Variants in UBE2R2 observed in about 807,000 individuals in gnomAD.
UBE2R2 encodes ubiquitin-conjugating enzyme E2 R2.
Under a neutral mutation model 27.8 loss-of-function variants are expected in UBE2R2, and 1 was observed. The ratio of observed to expected loss-of-function variants is 0.04; its 90% CI spans 0.01 to 0.17. The LOEUF (loss-of-function observed/expected upper bound fraction) is 0.17, where lower values mean the gene tolerates loss of function less well. UBE2R2 is among the 10% of genes least tolerant of loss of function. UBE2R2 has a pLI of 1.00. For missense variants in UBE2R2, 100 were observed against 291.0 expected (o/e 0.34, Z 4.78); for synonymous variants, 106 against 113.3 (o/e 0.94, Z 0.41).
At chr9:33,845,860 T>TA (rs1380915251) in intron 1 of UBE2R2, among the ~76,000 whole-genome samples, 1 of 150,350 alleles carries the variant, frequency 6.7e-6, no homozygotes, top group African/African-American at 2.4e-5. Flanking sequence ...ATACAAAAAT[T>TA]GGCTGGGCGC....
intron 2 of UBE2R2, among the ~76,000 whole-genome samples, chr9:33,887,883 G>T (rs1821897765): frequency 6.6e-6 from 1 of 152,138 alleles, no homozygotes; most frequent in Non-Finnish European, 1.5e-5. Context: ...CACCATGTTG[G>T]CCAGGCTGTT....
At chr9:33,889,492 C>T (rs1821933527) in intron 2 of UBE2R2, among the ~76,000 whole-genome samples, 1 of 152,130 alleles carries the variant, frequency 6.6e-6, no homozygotes, top group Non-Finnish European at 1.5e-5. Context: ...GCGTGAGCCA[C>T]CGCACCCGGC....
chr9:33,901,300 G>A (rs1822240627), intron 3 of UBE2R2, among the ~76,000 whole-genome samples: 1 of 152,162 alleles, frequency 6.6e-6, no homozygotes, highest in Admixed American at 6.5e-5. Flanking sequence ...TTTTCATTAT[G>A]TCATATCTGA....
At chr9:33,899,791 C>T (rs983790772) in intron 2 of UBE2R2, among the ~76,000 whole-genome samples, 3 of 152,188 alleles carry the variant, frequency 2.0e-5, no homozygotes, top group Non-Finnish European at 4.4e-5. Flanking sequence ...AGACACCGCG[C>T]CCAGCCCCAG....
chr9:33,819,997 A>G (rs1245808398), intron 1 of UBE2R2, among the ~76,000 whole-genome samples: 1 of 152,246 alleles, frequency 6.6e-6, no homozygotes. Flanking sequence ...TTAGTGGAAT[A>G]AAGTTTGATT....
chr9:33,872,090 A>G (rs370898079), intron 1 of UBE2R2, among the ~76,000 whole-genome samples: 1 of 151,892 alleles, frequency 6.6e-6, no homozygotes, highest in East Asian at 1.9e-4. Context: ...TTTTTTAATT[A>G]AAGACTATTT....
chr9:33,894,456 G>C (rs1199917833), intron 2 of UBE2R2, among the ~76,000 whole-genome samples: 3 of 151,820 alleles, frequency 2.0e-5, no homozygotes. Flanking sequence ...TTTATTTTTG[G>C]GGAATGGGGT....
chr9:33,868,098 G>C (rs908335958), intron 1 of UBE2R2, among the ~76,000 whole-genome samples: 1 of 152,160 alleles, frequency 6.6e-6, no homozygotes, highest in Non-Finnish European at 1.5e-5. Flanking sequence ...GCTGGAAAGG[G>C]GATGGGAAGG....
At chr9:33,847,774 C>T (rs537534947) in intron 1 of UBE2R2, among the ~76,000 whole-genome samples, 31 of 114,478 alleles carry the variant, frequency 2.7e-4, no homozygotes, top group African/African-American at 8.1e-4. Flanking sequence ...TTTTTTGAGA[C>T]GGAGTTTTGC....
At chr9:33,896,939 GTTGTGTTTT>G (rs917701130) in intron 2 of UBE2R2, among the ~76,000 whole-genome samples, 13 of 134,142 alleles carry the variant, frequency 9.7e-5, no homozygotes, top group African/African-American at 3.5e-4. Flanking sequence ...TACTAAGAAG[GTTGTGTTTT>G]TTGTGTTTTT....
intron 1 of UBE2R2, among the ~76,000 whole-genome samples, chr9:33,868,873 A>C (rs978172174): frequency 3.9e-5 from 6 of 152,222 alleles, no homozygotes; most frequent in African/African-American, 1.4e-4. Flanking sequence ...GCTATTACCA[A>C]GTACAATTGT....
chr9:33,829,076 G>A (rs1326182901), intron 1 of UBE2R2, among the ~76,000 whole-genome samples: 1 of 151,908 alleles, frequency 6.6e-6, no homozygotes, highest in African/African-American at 2.4e-5. Flanking sequence ...TCACTGTGTT[G>A]GCCAGGCTGG....
chr9:33,871,571 T>C (rs1821483732), intron 1 of UBE2R2, among the ~76,000 whole-genome samples: 1 of 152,202 alleles, frequency 6.6e-6, no homozygotes, highest in Non-Finnish European at 1.5e-5. Flanking sequence ...CTATTTGCGA[T>C]GGACTAGAGG....
rs180775720 is a variant in UBE2R2, at chr9:33,837,051, T to C, written c.177+19117T>C. 7.2e-5 allele frequency among the ~76,000 whole-genome samples: 11 copies of C among 152,304 alleles called. No individual in the cohort carries two copies. The East Asian group carries it at 1.9e-3, about 27-fold the overall frequency. On this transcript the variant is annotated intron_variant, in intron 1 of 4. Transcript: ENST00000263228. Reference sequence around the variant, plus strand: ...CCTGATTTCTTAAATTTCACATTGCTGTAGGTACTTTTAAACTCATGTTTT... The same window carrying C: ...CCTGATTTCTTAAATTTCACATTGCCGTAGGTACTTTTAAACTCATGTTTT...
chr9:33,871,846 G>A (rs1033123426), intron 1 of UBE2R2, among the ~76,000 whole-genome samples: 5 of 152,140 alleles, frequency 3.3e-5, no homozygotes, highest in Admixed American at 3.3e-4. Flanking sequence ...GAGTAGCTGG[G>A]ACTACAGGTG....
At position 33,919,169 on chromosome 9, in the gene UBE2R2, CT is replaced by C. The variant is rs1696928991; in HGVS notation, c.*1933del. On this transcript the variant is annotated 3_prime_UTR_variant, in exon 5 of 5. Coordinates refer to ENST00000263228, the MANE Select transcript of UBE2R2 (RefSeq NM_017811.4). ...GCTTCGTAATACATTGTCAAGTTAC[CT>C]GATTACAAACTCTCATAGATGTTGG... The C allele has an allele frequency of 1.3e-5, 2 of 152,156 alleles. No individual in the cohort carries two copies. Among genetic ancestry groups the C allele is most frequent in the Admixed American group, 6.5e-5 (1 of 15,272 alleles). 9.4% of individuals were successfully genotyped at this position (152,156 alleles called of 1,614,324 possible). A position where few individuals can be genotyped will look rare whatever the true frequency, so the allele number is the denominator to read the frequency against.
At chr9:33,828,941 G>A (rs964042732) in intron 1 of UBE2R2, among the ~76,000 whole-genome samples, 1 of 152,126 alleles carries the variant, frequency 6.6e-6, no homozygotes, top group Admixed American at 6.6e-5. Flanking sequence ...CACCCTGTTG[G>A]CCAGACTCGT....
At chr9:33,855,460 T>C (rs188398954) in intron 1 of UBE2R2, among the ~76,000 whole-genome samples, 11 of 152,340 alleles carry the variant, frequency 7.2e-5, no homozygotes, top group Admixed American at 5.9e-4. Context: ...TTTTGGTTCA[T>C]GAGTTTGTTT....
At chr9:33,859,760 T>TTGTGTGTG (rs57089790) in intron 1 of UBE2R2, among the ~76,000 whole-genome samples, 1,477 of 130,512 alleles carry the variant, frequency 0.011, 24 homozygotes, top group East Asian at 0.028. Flanking sequence ...TCTAAGCCTT[T>TTGTGTGTG]TGTGTGTGTG....
Sources: allele counts gnomAD v4.1 joint callset (sites outside exome capture counted in the v4.1 genomes callset), GRCh38; gene constraint gnomAD v4.1.1; transcripts MANE v1.5; gene names NCBI Gene and HGNC (gene_info 2026-07-23, HGNC 2026-07-21).